DENND4A: variants seen among roughly 807,000 people sequenced by gnomAD.
DENND4A encodes the protein C-myc promoter-binding protein.
DENND4A carries 70 observed loss-of-function variants against 199.3 expected under a neutral mutation model. The ratio of observed to expected loss-of-function variants is 0.35; its 90% CI spans 0.29 to 0.43. The LOEUF is 0.43. Among genes scored for constraint, DENND4A ranks in the 20% least tolerant of loss-of-function variants. DENND4A has a pLI of 1.00. For synonymous variants in DENND4A, 686 were observed against 766.9 expected, an observed-to-expected ratio of 0.89 and a Z score of 1.74; for missense variants, 1,723 against 2,255.8, an observed-to-expected ratio of 0.76 and a Z score of 4.78.
rs578008322 is a variant in DENND4A at position 65,745,211 on chromosome 15, C to T, written c.562-3427G>A. Among the ~76,000 whole-genome samples, 18 of 152,226 alleles carry T rather than the reference C, an allele frequency of 1.2e-4. No homozygotes were observed. The East Asian group carries it at 3.3e-3, about 28-fold the overall frequency. ...TTTTCAACTTTAAGTATCTGTCAGC[C>T]TTCCAAATACTGAATAGCTAACAGC... is the stretch of plus-strand genomic sequence containing the variant. On this transcript the variant is annotated intron_variant, in intron 4 of 32. Transcript: ENST00000443035.
At chr15:65,695,490 A>T (rs891030044) in intron 22 of DENND4A, among the ~76,000 whole-genome samples, 14 of 152,234 alleles carry the variant, frequency 9.2e-5, no homozygotes, top group African/African-American at 3.4e-4. Flanking sequence ...AATAGGCTTC[A>T]GGGCAAATTT....
At position 65,691,237 on chromosome 15, in the gene DENND4A, C is replaced by G. The variant is rs758998379; in HGVS notation, c.3357G>C (p.Thr1119=). 1.9e-6 allele frequency: 3 copies of G among 1,613,148 alleles called. No homozygotes were observed. Among genetic ancestry groups the G allele is most frequent in the Non-Finnish European group, 2.5e-6 (3 of 1,179,596 alleles). Reference sequence around the variant, plus strand: ...TCCCAATATCAAGAGTATTTGGTCTCGTGCTTTTTGAGATAACATTTGAAA... The same window carrying G: ...TCCCAATATCAAGAGTATTTGGTCTGGTGCTTTTTGAGATAACATTTGAAA... ...KILSNVISKS[T]RPNTLDIGKP... The change falls in exon 23 of 33, where the codon ACG becomes ACC. Residue 1119 remains threonine (T), a synonymous_variant. Coordinates refer to ENST00000443035, the MANE Select transcript of DENND4A (RefSeq NM_001320835.1).
chr15:65,729,132 T>C lies in DENND4A; in HGVS notation c.1427A>G (p.Asp476Gly). The C allele has an allele frequency of 1.3e-6, 2 of 1,593,014 alleles. No individual in the cohort carries two copies. The highest frequency in any genetic ancestry group is 1.7e-6 in the Non-Finnish European group (2 of 1,168,564). The change falls in exon 11 of 33, where the codon GAT becomes GGT. Residue 476 changes from aspartate (D) to glycine (G), a missense_variant. By Grantham distance (94) the Asp-to-Gly change is moderately conservative. This residue lies in a region of DENND4A where 725 missense variants were observed against 952.9 expected (regional missense o/e 0.76). Transcript: ENST00000443035. Reference sequence around the variant, plus strand: ...GACATCTGGTGGAGGATCATAGAGATCAAAGTATCTTGAATCAATCCCTAC... The same window carrying C: ...GACATCTGGTGGAGGATCATAGAGACCAAAGTATCTTGAATCAATCCCTAC... ...FIVGIDSRYF[D>G]LYDPPPDVSC...
Position 65,722,934 on chromosome 15 carries a change from T to C in DENND4A, c.1502A>G (p.Lys501Arg), listed in dbSNP as rs754249916. Residue 501 changes from lysine to arginine, a missense_variant, in exon 12 of 33, where the codon AAA (lysine) becomes AGA (arginine). Lys to Arg is a conservative substitution (Grantham distance 26). Coordinates refer to ENST00000443035, the MANE Select transcript of DENND4A (RefSeq NM_001320835.1). ...TGGAAGTATCTTCCAGGCTACATTT[T>C]TCTTGTCACCAATTCTAAGATTAAA... Reference protein sequence around the residue: ...TNTISQIGDKKNVAWKILPKK... With the variant: ...TNTISQIGDKRNVAWKILPKK... The C allele has an allele frequency of 2.0e-4, 317 of 1,606,132 alleles. 1 individual carries two copies. The highest frequency in any genetic ancestry group is 2.6e-4 in the Non-Finnish European group (309 of 1,176,848).
intron 22 of DENND4A, among the ~76,000 whole-genome samples, chr15:65,692,447 T>C (rs2077005667): frequency 1.3e-5 from 2 of 152,320 alleles, no homozygotes; most frequent in Admixed American, 6.5e-5. Flanking sequence ...AGTCTAGGTA[T>C]AGTATCATCA....
intron 3 of DENND4A, among the ~76,000 whole-genome samples, chr15:65,755,361 T>G (rs1392666985): frequency 1.3e-5 from 2 of 152,212 alleles, no homozygotes; most frequent in Admixed American, 6.5e-5. Flanking sequence ...TTGTACACTT[T>G]AAATAAATGA....
intron 23 of DENND4A, among the ~76,000 whole-genome samples, chr15:65,685,796 C>T (rs777426847): frequency 2.0e-5 from 3 of 152,176 alleles, no homozygotes; most frequent in Non-Finnish European, 4.4e-5. Context: ...ATCATTTCCC[C>T]ATTGAATTGC....
intron 4 of DENND4A, 99 bp downstream of exon 4, chr15:65,752,280 C>CAAAA (rs2076585023): frequency 2.3e-6 from 1 of 443,206 alleles, no homozygotes; most frequent in African/African-American, 6.4e-5. Flanking sequence ...ATGCTGTTTT[C>CAAAA]CAAAAAAAAA....
intron 1 of DENND4A, among the ~76,000 whole-genome samples, chr15:65,768,865 G>C (rs1168007786): frequency 6.6e-6 from 1 of 151,660 alleles, no homozygotes; most frequent in Non-Finnish European, 1.5e-5. Flanking sequence ...GTGGTGGCGG[G>C]TGCCTGTAAT....
In DENND4A at chr15:65,726,921, G is replaced by A. The variant is rs115260265; in HGVS notation, c.1487+2151C>T. Among the ~76,000 whole-genome samples the A allele has an allele frequency of 3.9e-3, 590 of 152,028 alleles. 7 individuals carry two copies. Among genetic ancestry groups the A allele is most frequent in the East Asian group, 0.024 (125 of 5,140 alleles). ...CAGTGAGCTGAGATTACACCACTGCGCACTCCAGCCTGGGCAACAGAACGA... is the reference window on the plus strand; with the variant it reads ...CAGTGAGCTGAGATTACACCACTGCACACTCCAGCCTGGGCAACAGAACGA... On this transcript the variant is annotated intron_variant, in intron 11 of 32. Transcript: ENST00000443035.
chr15:65,741,687 G>C, intron 5 of DENND4A, 28 bp downstream of exon 5: 1 of 1,594,766 alleles, frequency 6.3e-7, no homozygotes. Flanking sequence ...ATTTATATAT[G>C]AAGTATTGCA....
intron 23 of DENND4A, among the ~76,000 whole-genome samples, chr15:65,682,276 ACCT>A (rs2076605040): frequency 1.3e-5 from 2 of 152,150 alleles, no homozygotes; most frequent in South Asian, 4.2e-4. Flanking sequence ...TAGTATAGCC[ACCT>A]TCATCAGTGA....
intron 5 of DENND4A, among the ~76,000 whole-genome samples, chr15:65,740,416 C>T (rs1351319002): frequency 4.7e-5 from 7 of 149,814 alleles, no homozygotes; most frequent in African/African-American, 1.7e-4. Context: ...TCAAGAGCAA[C>T]CTGGGCAATA....
chr15:65,698,484 G>T (rs1489191209), intron 20 of DENND4A, among the ~76,000 whole-genome samples: 1 of 151,982 alleles, frequency 6.6e-6, no homozygotes, highest in Admixed American at 6.6e-5. Flanking sequence ...TAAAACGTAA[G>T]GTTGTTATTA....
At chr15:65,719,573 C>T (rs182417538) in intron 12 of DENND4A, among the ~76,000 whole-genome samples, 1 of 152,208 alleles carries the variant, frequency 6.6e-6, no homozygotes, top group Non-Finnish European at 1.5e-5. Flanking sequence ...CACAGCATCA[C>T]TTCTGTGATA....
chr15:65,663,637 A>G (rs1476027021), intron 32 of DENND4A, among the ~76,000 whole-genome samples: 2 of 152,108 alleles, frequency 1.3e-5, no homozygotes, highest in Non-Finnish European at 2.9e-5. Context: ...GCTTCTAGAA[A>G]AGAATCACCT....
chr15:65,666,612 C>T (rs936483931), intron 29 of DENND4A, among the ~76,000 whole-genome samples: 2 of 151,892 alleles, frequency 1.3e-5, no homozygotes, highest in Non-Finnish European at 1.5e-5. Context: ...TATAGATATC[C>T]TTAAAAAGTG....
At chr15:65,791,064 T>A (rs1396519263) in intron 1 of DENND4A, among the ~76,000 whole-genome samples, 1 of 152,134 alleles carries the variant, frequency 6.6e-6, no homozygotes, top group Non-Finnish European at 1.5e-5. Flanking sequence ...CATTAACGTA[T>A]AATACATTTT....
At chr15:65,719,048 G>C (rs1227121729) in intron 12 of DENND4A, among the ~76,000 whole-genome samples, 7 of 151,490 alleles carry the variant, frequency 4.6e-5, no homozygotes, top group Non-Finnish European at 1.0e-4. Context: ...CCAAAGTGCT[G>C]GGATTATAGG....
Sources: gnomAD v4.1 joint callset for allele counts (sites outside exome capture counted in the v4.1 genomes callset) on GRCh38, gnomAD v4.1.1 for gene constraint, gnomAD v4.1.1 regional missense constraint, MANE v1.5 for transcripts, NCBI Gene and HGNC (gene_info 2026-07-23, HGNC 2026-07-21) for gene names.